The following GRIA1 variants were observed in gnomAD, a reference collection of about 807,000 sequenced individuals.
GRIA1 encodes the protein glutamate receptor 1.
GRIA1 carries 31 observed loss-of-function variants against 99.2 expected under a neutral mutation model. The observed-to-expected ratio is 0.31, with a 90% CI of 0.23 to 0.42. The LOEUF is 0.42. Among genes scored for constraint, GRIA1 ranks in the 10% least tolerant of loss-of-function variants. The pLI is 1.00. For missense variants in GRIA1, 782 were observed against 1,157.5 expected, an observed-to-expected ratio of 0.68 and a Z score of 4.71; for synonymous variants, 438 against 432.4, an observed-to-expected ratio of 1.01 and a Z score of -0.16.
intron 2 of GRIA1, among the ~76,000 whole-genome samples, chr5:153,576,652 G>T (rs1394506685): frequency 1.3e-5 from 2 of 152,022 alleles, no homozygotes; most frequent in African/African-American, 4.8e-5. Context: ...AAAAATTAAA[G>T]GTTATCTCCA....
chr5:153,637,259 C>CTACTT (rs1239227219), intron 2 of GRIA1, among the ~76,000 whole-genome samples: 1 of 152,198 alleles, frequency 6.6e-6, no homozygotes, highest in Non-Finnish European at 1.5e-5. Flanking sequence ...TTCTACTTAT[C>CTACTT]ATTAATAATG....
intron 2 of GRIA1, among the ~76,000 whole-genome samples, chr5:153,514,639 G>T (rs1756436273): frequency 6.6e-6 from 1 of 152,108 alleles, no homozygotes; most frequent in Non-Finnish European, 1.5e-5. Context: ...CTGCAGCTTT[G>T]TTTTTGCTTA....
rs1401088967 is a variant in GRIA1 at position 153,811,183 on chromosome 5, G to A, written c.2679G>A (p.Met893Ile). Residue 893 changes from methionine to isoleucine, a missense_variant, in exon 16 of 16, where the codon ATG becomes ATA. Around this residue, in one of 5 missense-constraint regions of GRIA1, gnomAD observed 76 missense variants for 81.2 expected, o/e 0.94. Coordinates refer to ENST00000285900, the MANE Select transcript of GRIA1 (RefSeq NM_000827.4). ...FPKSMQSIPC[M>I]SHSSGMPLGA... ...AGTCCATGCAATCGATTCCTTGCAT[G>A]AGCCACAGTTCAGGGATGCCCTTGG... 3.1e-6 allele frequency: 5 copies of A among 1,614,000 alleles called. No individual in the cohort carries two copies. The highest frequency in any genetic ancestry group is 1.3e-5 in the African/African-American group (1 of 74,916).
At chr5:153,789,863 G>T (rs926932121) in intron 13 of GRIA1, among the ~76,000 whole-genome samples, 1 of 150,968 alleles carries the variant, frequency 6.6e-6, no homozygotes. Context: ...TGGTCAGCTC[G>T]ATGGTAATCA....
At chr5:153,787,692 C>T (rs1322432277) in intron 13 of GRIA1, among the ~76,000 whole-genome samples, 1 of 152,178 alleles carries the variant, frequency 6.6e-6, no homozygotes, top group Non-Finnish European at 1.5e-5. Flanking sequence ...ATGGTCCTCG[C>T]AGGTCTGTTT....
At chr5:153,778,300 G>C (rs972532463) in intron 13 of GRIA1, among the ~76,000 whole-genome samples, 1 of 151,842 alleles carries the variant, frequency 6.6e-6, no homozygotes, top group Non-Finnish European at 1.5e-5. Context: ...ATTTCAGAGA[G>C]TACCAAGAAA....
At chr5:153,638,860 G>A (rs1434910060) in intron 2 of GRIA1, among the ~76,000 whole-genome samples, 1 of 152,222 alleles carries the variant, frequency 6.6e-6, no homozygotes, top group African/African-American at 2.4e-5. Context: ...GGAGGTGTAA[G>A]GGTCTTTATG....
intron 11 of GRIA1, among the ~76,000 whole-genome samples, chr5:153,745,821 TA>T (rs1415744684): frequency 1.3e-5 from 2 of 152,166 alleles, no homozygotes; most frequent in African/African-American, 4.8e-5. Context: ...AATGGGGTCA[TA>T]TAGTGTATTC....
At chr5:153,760,196 G>A (rs960537914) in intron 11 of GRIA1, among the ~76,000 whole-genome samples, 1 of 151,954 alleles carries the variant, frequency 6.6e-6, no homozygotes, top group African/African-American at 2.4e-5. Context: ...CCTAGCCTGA[G>A]CAATCAGGCA....
chr5:153,568,099 G>A (rs1761811314), intron 2 of GRIA1, among the ~76,000 whole-genome samples: 1 of 152,164 alleles, frequency 6.6e-6, no homozygotes, highest in Admixed American at 6.5e-5. Flanking sequence ...TAAAACCCAA[G>A]TCTCCAGGCT....
chr5:153,590,690 A>G (rs1180427995), intron 2 of GRIA1, among the ~76,000 whole-genome samples: 1 of 152,196 alleles, frequency 6.6e-6, no homozygotes, highest in Non-Finnish European at 1.5e-5. Context: ...ATTTTCCTAA[A>G]AAAAAATTTG....
At chr5:153,577,466 A>T (rs2149370474) in intron 2 of GRIA1, among the ~76,000 whole-genome samples, 1 of 152,310 alleles carries the variant, frequency 6.6e-6, no homozygotes. Context: ...CTGCTTGTAT[A>T]AGATACTGTC....
intron 2 of GRIA1, among the ~76,000 whole-genome samples, chr5:153,522,046 G>A (rs887503279): frequency 6.6e-6 from 1 of 152,206 alleles, no homozygotes; most frequent in African/African-American, 2.4e-5. Context: ...ATGCCACCTG[G>A]AGAAAGTGAT....
At chr5:153,508,205 C>A (rs34029119) in intron 2 of GRIA1, among the ~76,000 whole-genome samples, 3,868 of 152,294 alleles carry the variant, frequency 0.025, 64 homozygotes, top group South Asian at 0.043. Flanking sequence ...GATATTTTAA[C>A]TGAGCCTTGT....
intron 11 of GRIA1, among the ~76,000 whole-genome samples, chr5:153,720,749 C>G (rs565693652): frequency 2.6e-4 from 40 of 152,266 alleles, no homozygotes; most frequent in African/African-American, 9.4e-4. Flanking sequence ...CTTCTCAGGC[C>G]TCAGGTTTCA....
At chr5:153,623,261 G>A (rs1767237985) in intron 2 of GRIA1, among the ~76,000 whole-genome samples, 1 of 152,144 alleles carries the variant, frequency 6.6e-6, no homozygotes, top group Non-Finnish European at 1.5e-5. Context: ...GTCTTCCCTG[G>A]GTTCAGAGAG....
chr5:153,757,071 CA>C (rs1166559127), intron 11 of GRIA1, among the ~76,000 whole-genome samples: 2 of 151,840 alleles, frequency 1.3e-5, no homozygotes, highest in Admixed American at 1.3e-4. Flanking sequence ...TAAGAAAACA[CA>C]GAGAAAAAAT....
Position 153,802,351 on chromosome 5 carries a change from C to G in GRIA1, c.2386-5C>G. The G allele has an allele frequency of 1.2e-6, 2 of 1,613,780 alleles. No homozygotes were observed. The highest frequency in any genetic ancestry group is 1.7e-6 in the Non-Finnish European group (2 of 1,179,788). ...TCCCCTTCCTTTCCCTCCTCCTCTT[C>G]TTAGGACAAGACAAGCGCTCTGAGC... On this transcript the variant is annotated splice_polypyrimidine_tract_variant and splice_region_variant and intron_variant, in intron 14 of 15. Transcript: ENST00000285900.
At chr5:153,595,091 T>C (rs1465091521) in intron 2 of GRIA1, among the ~76,000 whole-genome samples, 1 of 152,182 alleles carries the variant, frequency 6.6e-6, no homozygotes, top group African/African-American at 2.4e-5. Flanking sequence ...TTGTCTTCTC[T>C]TCCCTCTTTT....
Sources: gnomAD v4.1 joint callset for allele counts (sites outside exome capture counted in the v4.1 genomes callset) on GRCh38, gnomAD v4.1.1 for gene constraint, gnomAD v4.1.1 regional missense constraint, MANE v1.5 for transcripts, NCBI Gene and HGNC (gene_info 2026-07-23, HGNC 2026-07-21) for gene names.